Variants in PHKB observed in about 807,000 individuals in gnomAD.
The protein encoded by PHKB is phosphorylase kinase regulatory subunit beta, also known as phosphorylase b kinase regulatory subunit beta.
Under a neutral mutation model 152.1 loss-of-function variants are expected in PHKB, and 122 were observed. That is an observed-to-expected ratio of 0.80 (90% CI 0.69 to 0.93). PHKB has a LOEUF of 0.93. Ranked by LOEUF, PHKB falls within the 40% of genes least tolerant of loss-of-function variation. The pLI is 0.00. For synonymous variants in PHKB, 436 were observed against 464.9 expected, an observed-to-expected ratio of 0.94 and a Z score of 0.80; for missense variants, 1,304 against 1,328.4, an observed-to-expected ratio of 0.98 and a Z score of 0.29.
At chr16:47,629,019 A>T (rs1463997299) in intron 14 of PHKB, among the ~76,000 whole-genome samples, 1 of 152,220 alleles carries the variant, frequency 6.6e-6, no homozygotes, top group African/African-American at 2.4e-5. Flanking sequence ...TACAAAAATC[A>T]ATTCAAGATG....
chr16:47,665,876 G>T, intron 25 of PHKB: 2 of 1,078,184 alleles, frequency 1.9e-6, no homozygotes, highest in South Asian at 1.3e-5. Context: ...TACCCAATCA[G>T]GGCCCCATGC....
Position 47,629,061 on chromosome 16 carries a change from A to G in PHKB, c.1459-11974A>G, listed in dbSNP as rs556245156. Among the ~76,000 whole-genome samples, 16 of 152,388 alleles carry G rather than the reference A, an allele frequency of 1.0e-4. No individual in the cohort carries two copies. The East Asian group carries it at 1.5e-3, about 15-fold the overall frequency. ...AGACTTAAATGTTAGACCTAAAACC[A>G]TAAAAACCCTAGAAGAAAACCTGGG... On this transcript the variant is annotated intron_variant, in intron 14 of 30. Coordinates refer to ENST00000323584, the MANE Select transcript of PHKB (RefSeq NM_000293.3).
intron 28 of PHKB, among the ~76,000 whole-genome samples, chr16:47,694,893 A>T (rs575937076): frequency 1.6e-4 from 25 of 152,342 alleles, no homozygotes; most frequent in Admixed American, 3.9e-4. Context: ...AACATGTAGT[A>T]TCCTTGCTTT....
intron 26 of PHKB, among the ~76,000 whole-genome samples, chr16:47,688,758 C>T (rs1000380450): frequency 6.6e-6 from 1 of 150,788 alleles, no homozygotes; most frequent in Admixed American, 6.6e-5. Flanking sequence ...AGAATAATAC[C>T]ACAGTGGATG....
chr16:47,549,460 C>A (rs543508624), intron 7 of PHKB, among the ~76,000 whole-genome samples: 1 of 152,018 alleles, frequency 6.6e-6, no homozygotes, highest in Admixed American at 6.5e-5. Flanking sequence ...GAGGCCGAGG[C>A]GGGCAGATCA....
intron 7 of PHKB, among the ~76,000 whole-genome samples, chr16:47,570,650 C>A (rs754377987): frequency 6.6e-6 from 1 of 150,816 alleles, no homozygotes; most frequent in African/African-American, 2.4e-5. Context: ...TTTTTAATAT[C>A]GACCTCTCTA....
Position 47,693,501 on chromosome 16 carries a change from G to T in PHKB, c.2889G>T (p.Leu963Phe). 1.2e-6 allele frequency: 2 copies of T among 1,614,010 alleles called. No individual in the cohort carries two copies. Among genetic ancestry groups the T allele is most frequent in the Non-Finnish European group, 1.7e-6 (2 of 1,179,974 alleles). The change falls in exon 28 of 31, where the codon TTG becomes TTT. Residue 963 changes from leucine to phenylalanine, a missense_variant. Transcript: ENST00000323584. ...PNGIIVAGKH[L>F]PQQPTLSDMT... ...GGATCATTGTTGCTGGGAAGCATTT[G>T]CCTCAGGTAAAGCCCCACCATGTTC...
chr16:47,561,471 C>G (rs1227171072), intron 7 of PHKB: 2 of 152,164 alleles, frequency 1.3e-5, no homozygotes, highest in Non-Finnish European at 2.9e-5. Context: ...ACAAGAGAAA[C>G]CTTTTTTGTG....
intron 14 of PHKB, among the ~76,000 whole-genome samples, chr16:47,634,700 C>A (rs886185233): frequency 1.3e-5 from 2 of 152,080 alleles, no homozygotes; most frequent in Non-Finnish European, 1.5e-5. Flanking sequence ...CAGCTGTAAC[C>A]AGTGCACTTG....
At chr16:47,515,644 A>C (rs369967533) in intron 6 of PHKB, 43 bp downstream of exon 6, 2 of 829,002 alleles carry the variant, frequency 2.4e-6, no homozygotes, top group African/African-American at 3.3e-5. Flanking sequence ...TTCACCTCTG[A>C]AAATATCTAT....
chr16:47,546,600 AG>A (rs1971170309), intron 6 of PHKB, among the ~76,000 whole-genome samples: 2 of 152,172 alleles, frequency 1.3e-5, no homozygotes. Flanking sequence ...CTGTTCTTAG[AG>A]GGCAAACACT....
intron 6 of PHKB, among the ~76,000 whole-genome samples, chr16:47,533,541 T>C (rs1013337031): frequency 1.3e-5 from 2 of 151,856 alleles, no homozygotes; most frequent in Admixed American, 1.3e-4. Flanking sequence ...ATGCCCAGAG[T>C]CTGGAGGGGG....
chr16:47,608,160 C>A (rs980513165), intron 13 of PHKB, among the ~76,000 whole-genome samples: 1 of 151,832 alleles, frequency 6.6e-6, no homozygotes, highest in Non-Finnish European at 1.5e-5. Context: ...CTTGATGGAT[C>A]TTTTGAGGCA....
At chr16:47,680,351 C>T (rs1478141922) in intron 26 of PHKB, among the ~76,000 whole-genome samples, 2 of 152,158 alleles carry the variant, frequency 1.3e-5, no homozygotes, top group African/African-American at 2.4e-5. Context: ...ATGGTACCAG[C>T]TCCTCCTTGT....
chr16:47,689,740 G>A (rs1055721822), intron 27 of PHKB, among the ~76,000 whole-genome samples: 1 of 152,166 alleles, frequency 6.6e-6, no homozygotes, highest in Non-Finnish European at 1.5e-5. Flanking sequence ...GTACATTTGT[G>A]CCTGGCATTT....
chr16:47,664,540 A>G (rs908489759), intron 24 of PHKB: 8 of 267,972 alleles, frequency 3.0e-5, no homozygotes, highest in African/African-American at 9.0e-5. Context: ...GAATATTTCA[A>G]TTCTATTTTT....
At chr16:47,650,070 A>G (rs761360550) in intron 18 of PHKB, among the ~76,000 whole-genome samples, 36 of 152,264 alleles carry the variant, frequency 2.4e-4, no homozygotes, top group Non-Finnish European at 3.7e-4. Flanking sequence ...GACGGCTGGC[A>G]TGATTGTTCC....
intron 8 of PHKB, among the ~76,000 whole-genome samples, chr16:47,586,871 T>C (rs901516645): frequency 4.6e-5 from 7 of 152,204 alleles, no homozygotes; most frequent in African/African-American, 1.4e-4. Context: ...TAAGATTTTC[T>C]GTTACACCTA....
chr16:47,544,163 C>G (rs1971114604), intron 6 of PHKB, among the ~76,000 whole-genome samples: 1 of 152,088 alleles, frequency 6.6e-6, no homozygotes, highest in Non-Finnish European at 1.5e-5. Flanking sequence ...TTTTCTAGTT[C>G]TTTTAATTGT....
Sources: gnomAD v4.1 joint callset for allele counts (sites outside exome capture counted in the v4.1 genomes callset) on GRCh38, gnomAD v4.1.1 for gene constraint, MANE v1.5 for transcripts, NCBI Gene and HGNC (gene_info 2026-07-23, HGNC 2026-07-21) for gene names.